KDR: variants seen among roughly 807,000 people sequenced by gnomAD.
KDR encodes the protein kinase insert domain receptor, also known as vascular endothelial growth factor receptor 2.
A neutral mutation model predicts 160.9 loss-of-function variants in KDR; 43 were observed. That is an observed-to-expected ratio of 0.27 (90% CI 0.21 to 0.34). KDR has a LOEUF of 0.34. Ranked by LOEUF, KDR falls within the 10% of genes least tolerant of loss-of-function variation. The pLI is 1.00. For synonymous variants in KDR, 617 were observed against 600.1 expected, an observed-to-expected ratio of 1.03 and a Z score of -0.41; for missense variants, 1,469 against 1,666.4, an observed-to-expected ratio of 0.88 and a Z score of 2.06.
rs2110030790 is a variant in KDR, at chr4:55,114,051, C to T, written c.798+75G>A. 4.5e-6 allele frequency: 7 copies of T among 1,538,938 alleles called. No homozygotes were observed. The South Asian group carries it at 5.6e-5, about 12-fold the overall frequency. Reference sequence around the variant, plus strand: ...ACATTTTATCTGGCCAAAGAGGCCCCTATCTCTCAAGCAAACTTCACTGGG... The same window carrying T: ...ACATTTTATCTGGCCAAAGAGGCCCTTATCTCTCAAGCAAACTTCACTGGG... On this transcript the variant is annotated intron_variant, in intron 6 of 29. Transcript: ENST00000263923.
In KDR at chr4:55,125,347, C is replaced by T; in HGVS notation, c.-54G>A. ...AGAACTCGGGAGCCGGTTCTTTCTC[C>T]CAGCGCCTGTCTAGAGAAGGAGGCG... On this transcript the variant is annotated 5_prime_UTR_variant, in exon 1 of 30. Coordinates refer to ENST00000263923, the MANE Select transcript of KDR (RefSeq NM_002253.4). 1 of 1,564,890 alleles carries T rather than the reference C, an allele frequency of 6.4e-7. No homozygotes were observed.
rs372650710 is a variant in KDR at position 55,093,280 on chromosome 4, T to C, written c.2972-566A>G. ...TGGGAGGGTGTTTTTTCCTGAGAGA[T>C]AACAGAAACATGGAAAGATAAATTT... On this transcript the variant is annotated intron_variant, in intron 21 of 29. Transcript: ENST00000263923. 5.9e-5 allele frequency among the ~76,000 whole-genome samples: 9 copies of C among 152,260 alleles called. No homozygotes were observed. In the East Asian group the frequency reaches 1.4e-3, roughly 23 times the overall value.
Position 55,110,463 on chromosome 4 carries a change from T to C in KDR, c.1195A>G (p.Ile399Val), listed in dbSNP as rs763097337. 2.5e-6 allele frequency: 4 copies of C among 1,614,056 alleles called. No individual in the cohort carries two copies. The highest frequency in any genetic ancestry group is 2.5e-6 in the Non-Finnish European group (3 of 1,179,950). Residue 399 changes from isoleucine (I) to valine (V), a missense_variant, in exon 9 of 30, where the codon ATC becomes GTC. Ile to Val is a conservative substitution (Grantham distance 29, BLOSUM62 3). Coordinates refer to ENST00000263923, the MANE Select transcript of KDR (RefSeq NM_002253.4). The stretch of plus-strand genomic sequence containing the variant: ...TCCTTTGAAATGGGATTGGTAAGGA[T>C]GACAGTGTAATTTCCTGTGTCTCTT... Reference protein sequence around the residue: ...SERDTGNYTVILTNPISKEKQ... With the variant: ...SERDTGNYTVVLTNPISKEKQ...
chr4:55,124,263 A>C (rs1224662214), intron 1 of KDR, among the ~76,000 whole-genome samples: 1 of 151,904 alleles, frequency 6.6e-6, no homozygotes, highest in Non-Finnish European at 1.5e-5. Context: ...CTCACCCTGC[A>C]AAGGGTGGAA....
chr4:55,093,889 A>T (rs1262333779), intron 21 of KDR, among the ~76,000 whole-genome samples: 1 of 152,128 alleles, frequency 6.6e-6, no homozygotes, highest in Non-Finnish European at 1.5e-5. Flanking sequence ...CCACAGCTCC[A>T]CCCAAAAAGA....
At position 55,105,946 on chromosome 4, in the gene KDR, C is replaced by T. The variant is rs192072878; in HGVS notation, c.1537-6G>A. The stretch of plus-strand genomic sequence containing the variant: ...ATAACAAGGGTACTTACAGTCTGTG[C>T]GGGGAAAAAACAAATCCCAGGCCAT... On this transcript the variant is annotated splice_region_variant and splice_polypyrimidine_tract_variant and intron_variant, in intron 11 of 29. Coordinates refer to ENST00000263923, the MANE Select transcript of KDR (RefSeq NM_002253.4). The T allele has an allele frequency of 9.9e-5, 158 of 1,592,904 alleles. No individual in the cohort carries two copies. The highest frequency in any genetic ancestry group is 5.3e-4 in the Admixed American group (32 of 59,954).
intron 26 of KDR, 151 bp from the exon 27 acceptor site, chr4:55,087,909 T>C (rs1719904123): frequency 1.3e-6 from 1 of 767,780 alleles, no homozygotes; most frequent in African/African-American, 1.7e-5. Flanking sequence ...ATACAAATCA[T>C]GTGTCAGAAA....
intron 1 of KDR, among the ~76,000 whole-genome samples, chr4:55,123,789 C>G (rs1484660666): frequency 6.6e-6 from 1 of 152,122 alleles, no homozygotes; most frequent in Non-Finnish European, 1.5e-5. Context: ...CCTTCCAGCT[C>G]AAAGACGGGA....
At chr4:55,080,594 G>A (rs193266728) in intron 29 of KDR, among the ~76,000 whole-genome samples, 8 of 152,246 alleles carry the variant, frequency 5.3e-5, no homozygotes, top group South Asian at 2.1e-4. Context: ...TGGGAATTAC[G>A]GGGCATGTGT....
At chr4:55,087,179 T>A (rs1360933800) in intron 27 of KDR, among the ~76,000 whole-genome samples, 4 of 152,340 alleles carry the variant, frequency 2.6e-5, no homozygotes, top group Middle Eastern at 3.4e-3. Flanking sequence ...GCTTTCTGTA[T>A]CCTTGCCAGA....
intron 21 of KDR, 101 bp from the exon 22 acceptor site, chr4:55,092,815 A>C (rs1158140071): frequency 1.3e-5 from 11 of 816,532 alleles, no homozygotes; most frequent in Admixed American, 7.9e-5. Flanking sequence ...TTGGGAGTTA[A>C]GTTTTTAGGA....
chr4:55,103,804 A>C (rs547575763), intron 13 of KDR, among the ~76,000 whole-genome samples: 1 of 152,162 alleles, frequency 6.6e-6, no homozygotes, highest in African/African-American at 2.4e-5. Context: ...GGGCACATAT[A>C]TCCTAGGAAT....
At chr4:55,106,984 A>T (rs1166348382) in intron 10 of KDR, among the ~76,000 whole-genome samples, 174 bp from the exon 11 acceptor site, 1 of 152,208 alleles carries the variant, frequency 6.6e-6, no homozygotes, top group Non-Finnish European at 1.5e-5. Flanking sequence ...AATGAAGGAA[A>T]AGGTTCTAGG....
Position 55,097,761 on chromosome 4 carries a change from G to T in KDR, c.2515C>A (p.Pro839Thr). Residue 839 changes from proline (P) to threonine (T), a missense_variant, in exon 18 of 30, where the codon CCT (proline) becomes ACT (threonine). By Grantham distance (38) the Pro-to-Thr change is conservative. Transcript: ENST00000263923. ...FPRDRLKLGK[P>T]LGRGAFGQVI... Reference sequence around the variant, plus strand: ...TGGCCAAAGGCACCACGGCCAAGAGGCTTACCTAGAGTCAACAACAACAGC... The same window carrying T: ...TGGCCAAAGGCACCACGGCCAAGAGTCTTACCTAGAGTCAACAACAACAGC... The T allele has an allele frequency of 6.2e-7, 1 of 1,610,066 alleles. No individual in the cohort carries two copies. Among genetic ancestry groups the T allele is most frequent in the East Asian group, 2.2e-5 (1 of 44,822 alleles).
intron 4 of KDR, 23 bp downstream of exon 4, chr4:55,115,258 C>G: frequency 6.3e-7 from 1 of 1,590,580 alleles, no homozygotes; most frequent in South Asian, 1.1e-5. Context: ...ACTTAAGAGA[C>G]GATTGGAGGA....
intron 13 of KDR, among the ~76,000 whole-genome samples, chr4:55,104,111 C>T (rs1720378843): frequency 6.6e-6 from 1 of 152,190 alleles, no homozygotes; most frequent in Non-Finnish European, 1.5e-5. Context: ...CGCAGCCCAT[C>T]ATCCCACTCT....
Position 55,079,919 on chromosome 4 carries a change from T to G in KDR, c.*22A>C. 6.3e-7 allele frequency: 1 copy of G among 1,592,894 alleles called. No homozygotes were observed. Among genetic ancestry groups the G allele is most frequent in the Non-Finnish European group, 8.6e-7 (1 of 1,161,158 alleles). On this transcript the variant is annotated 3_prime_UTR_variant, in exon 30 of 30. Transcript: ENST00000263923. ...GCACCTCTCATGTGATGTCCAGGAGTTGGGGGTGTGGATGCTTCCTTTTAA... is the reference window on the plus strand; with the variant it reads ...GCACCTCTCATGTGATGTCCAGGAGGTGGGGGTGTGGATGCTTCCTTTTAA...
At chr4:55,114,334 T>A in intron 5 of KDR, 69 bp from the exon 6 acceptor site, 1 of 1,523,412 alleles carries the variant, frequency 6.6e-7, no homozygotes, top group East Asian at 2.3e-5. Flanking sequence ...CACAGATTTA[T>A]TTTTTAAAGT....
chr4:55,107,037 A>G (rs1056876075), intron 10 of KDR, among the ~76,000 whole-genome samples: 2 of 152,228 alleles, frequency 1.3e-5, no homozygotes, highest in African/African-American at 4.8e-5. Flanking sequence ...TATTCTGGGA[A>G]TAAACCTTCA....
Sources: allele counts gnomAD v4.1 joint callset (sites outside exome capture counted in the v4.1 genomes callset), GRCh38; gene constraint gnomAD v4.1.1; transcripts MANE v1.5; gene names NCBI Gene and HGNC (gene_info 2026-07-23, HGNC 2026-07-21).